The following ZBTB40 variants were observed in gnomAD, a reference collection of about 807,000 sequenced individuals.
The protein encoded by ZBTB40 is zinc finger and BTB domain-containing protein 40.
Under a neutral mutation model 117.5 loss-of-function variants are expected in ZBTB40, and 60 were observed. The ratio of observed to expected loss-of-function variants is 0.51; its 90% CI spans 0.41 to 0.63. The LOEUF (loss-of-function observed/expected upper bound fraction) is 0.63, where lower values mean the gene tolerates loss of function less well. ZBTB40 is among the 30% of genes least tolerant of loss of function. ZBTB40 has a pLI of 0.00. For missense variants in ZBTB40, 1,287 were observed against 1,498.5 expected (o/e 0.86, Z 2.33); for synonymous variants, 525 against 577.1 (o/e 0.91, Z 1.29).
intron 1 of ZBTB40, among the ~76,000 whole-genome samples, chr1:22,436,412 TG>T (rs1640671350): frequency 6.6e-6 from 1 of 152,134 alleles, no homozygotes; most frequent in African/African-American, 2.4e-5. Context: ...CTCAGGAGGC[TG>T]AGGCAGGAGA....
At chr1:22,495,928 C>A (rs1450511424) in intron 3 of ZBTB40, among the ~76,000 whole-genome samples, 1 of 152,230 alleles carries the variant, frequency 6.6e-6, no homozygotes, top group Non-Finnish European at 1.5e-5. Flanking sequence ...CTCTTTGTGC[C>A]AGTTTTCATG....
At chr1:22,436,638 A>G (rs1341574128) in intron 1 of ZBTB40, among the ~76,000 whole-genome samples, 1 of 152,236 alleles carries the variant, frequency 6.6e-6, no homozygotes, top group Non-Finnish European at 1.5e-5. Flanking sequence ...TGGTATATCC[A>G]TATCAGTGGG....
intron 1 of ZBTB40, among the ~76,000 whole-genome samples, chr1:22,469,092 G>A (rs1045688015): frequency 1.3e-5 from 2 of 152,046 alleles, no homozygotes; most frequent in African/African-American, 4.8e-5. Context: ...GCCTCCCAAA[G>A]TGCTGGGATT....
intron 6 of ZBTB40, among the ~76,000 whole-genome samples, 178 bp from the exon 7 acceptor site, chr1:22,507,823 T>C (rs1169262388): frequency 6.6e-6 from 1 of 152,194 alleles, no homozygotes; most frequent in Non-Finnish European, 1.5e-5. Context: ...CGCCAAGCGA[T>C]TAAGTGTAGG....
intron 1 of ZBTB40, among the ~76,000 whole-genome samples, chr1:22,440,027 T>C (rs1436185965): frequency 6.6e-6 from 1 of 152,244 alleles, no homozygotes; most frequent in Non-Finnish European, 1.5e-5. Context: ...GTATCCATTG[T>C]AAAGTCTTTC....
chr1:22,529,023 C>T lies in ZBTB40; in HGVS notation c.*2627C>T, dbSNP rs187738947. Reference sequence around the variant, plus strand: ...CATCAAGAAAGAGGGGAAGGCCCTTCCCGAGTTTACTGTCTGCTCTGAGTG... The same window carrying T: ...CATCAAGAAAGAGGGGAAGGCCCTTTCCGAGTTTACTGTCTGCTCTGAGTG... On this transcript the variant is annotated 3_prime_UTR_variant, in exon 18 of 18. Coordinates refer to ENST00000375647, the MANE Select transcript of ZBTB40 (RefSeq NM_014870.4). 10 of 152,486 alleles carry T rather than the reference C, an allele frequency of 6.6e-5. No homozygotes were observed. In the East Asian group the frequency reaches 1.3e-3, roughly 20 times the overall value. 9.4% of individuals were successfully genotyped at this position (152,486 alleles called of 1,614,324 possible).
chr1:22,484,658 G>T (rs1424081626), intron 1 of ZBTB40, among the ~76,000 whole-genome samples: 2 of 152,116 alleles, frequency 1.3e-5, no homozygotes, highest in Admixed American at 1.3e-4. Context: ...TGTTGCATTA[G>T]CTAGGACTTC....
intron 1 of ZBTB40, among the ~76,000 whole-genome samples, chr1:22,486,599 T>TC (rs563167008): frequency 2.6e-5 from 4 of 152,060 alleles, no homozygotes; most frequent in East Asian, 1.9e-4. Context: ...TATGACTGAG[T>TC]CCCCCCCAGA....
chr1:22,501,052 T>C (rs1638921818), intron 3 of ZBTB40, among the ~76,000 whole-genome samples: 1 of 152,246 alleles, frequency 6.6e-6, no homozygotes, highest in Admixed American at 6.5e-5. Flanking sequence ...GCATTAAGTT[T>C]ATTAAAAATT....
At chr1:22,493,096 T>C (rs543530606) in intron 3 of ZBTB40, among the ~76,000 whole-genome samples, 118 of 152,358 alleles carry the variant, frequency 7.7e-4, no homozygotes, top group African/African-American at 2.7e-3. Flanking sequence ...GTATGTGGCA[T>C]GTAACAGGTG....
intron 1 of ZBTB40, among the ~76,000 whole-genome samples, chr1:22,441,943 T>G (rs777897011): frequency 6.6e-6 from 1 of 152,238 alleles, no homozygotes; most frequent in African/African-American, 2.4e-5. Context: ...TTTTCTACAT[T>G]ACACAAGTTT....
chr1:22,480,107 G>A (rs984567501), intron 1 of ZBTB40, among the ~76,000 whole-genome samples: 4 of 152,086 alleles, frequency 2.6e-5, no homozygotes, highest in East Asian at 3.9e-4. Flanking sequence ...GTGTTTCGCC[G>A]TGTTGGCTGG....
chr1:22,470,895 A>G (rs374364545), intron 1 of ZBTB40, among the ~76,000 whole-genome samples: 92 of 152,320 alleles, frequency 6.0e-4, no homozygotes, highest in African/African-American at 2.1e-3. Context: ...GCATACACCT[A>G]ACTTCCTTTG....
At chr1:22,509,413 C>T (rs1639170541) in intron 9 of ZBTB40, among the ~76,000 whole-genome samples, 180 bp downstream of exon 9, 1 of 152,140 alleles carries the variant, frequency 6.6e-6, no homozygotes, top group South Asian at 2.1e-4. Flanking sequence ...GTGGCACGAT[C>T]TTGGCTCATG....
At chr1:22,457,689 G>T (rs993518897) in intron 1 of ZBTB40, among the ~76,000 whole-genome samples, 5 of 152,220 alleles carry the variant, frequency 3.3e-5, no homozygotes, top group African/African-American at 1.2e-4. Flanking sequence ...TTATTTGTTG[G>T]TTAATATTTG....
At chr1:22,514,600 A>G (rs1298332719) in intron 12 of ZBTB40, among the ~76,000 whole-genome samples, 1 of 151,984 alleles carries the variant, frequency 6.6e-6, no homozygotes, top group Non-Finnish European at 1.5e-5. Flanking sequence ...CTCCTTTGAG[A>G]CCTTACTCAC....
At position 22,521,572 on chromosome 1, in the gene ZBTB40, A is replaced by G. The variant is rs1415872612; in HGVS notation, c.3125A>G (p.Lys1042Arg). ...GCTGCTCAGAACCACCGATCTTCCA[A>G]GTTCTCATCACTCCAGTGCAGCTCC... Reference protein sequence around the residue: ...VFAAQNHRSSKFSSLQCSSCD... With the variant: ...VFAAQNHRSSRFSSLQCSSCD... Residue 1042 changes from lysine to arginine, a missense_variant, in exon 15 of 18, where the codon AAG (lysine) becomes AGG (arginine). By Grantham distance (26) the Lys-to-Arg change is conservative. Coordinates refer to ENST00000375647, the MANE Select transcript of ZBTB40 (RefSeq NM_014870.4). The G allele has an allele frequency of 1.6e-5, 26 of 1,614,042 alleles. No homozygotes were observed. The highest frequency in any genetic ancestry group is 2.1e-5 in the Non-Finnish European group (25 of 1,180,036).
At chr1:22,448,229 T>C (rs1640811159), upstream of ZBTB40, among the ~76,000 whole-genome samples, 1 of 152,216 alleles carries the variant, frequency 6.6e-6, no homozygotes, top group Admixed American at 6.5e-5. Flanking sequence ...TAAAATTATG[T>C]CAATCGATCT....
intron 13 of ZBTB40, chr1:22,519,754 GGAAA>G: frequency 3.8e-5 from 15 of 399,910 alleles, no homozygotes; most frequent in Admixed American, 1.1e-4. Context: ...GAAACTCCCT[GGAAA>G]GTGATAAAGT....
Sources: allele counts gnomAD v4.1 joint callset (sites outside exome capture counted in the v4.1 genomes callset), GRCh38; gene constraint gnomAD v4.1.1; transcripts MANE v1.5; gene names NCBI Gene and HGNC (gene_info 2026-07-23, HGNC 2026-07-21).